Variants in FREM1 observed in about 807,000 individuals in gnomAD.
The protein encoded by FREM1 is FRAS1 related extracellular matrix 1, also known as FRAS1-related extracellular matrix protein 1.
In FREM1, 220 loss-of-function variants were observed where a neutral mutation model predicts 210.1. That is an observed-to-expected ratio of 1.05 (90% CI 0.94 to 1.17). The LOEUF (loss-of-function observed/expected upper bound fraction) is 1.17. Among genes scored for constraint, FREM1 ranks in the 50% most tolerant of loss-of-function variants. FREM1 has a pLI of 0.00. For synonymous variants in FREM1, 1,189 were observed against 980.2 expected, an observed-to-expected ratio of 1.21 and a Z score of -3.98; for missense variants, 3,454 against 2,675.5, an observed-to-expected ratio of 1.29 and a Z score of -6.42.
At chr9:14,821,061 T>C (rs1821210268) in intron 13 of FREM1, among the ~76,000 whole-genome samples, 2 of 152,172 alleles carry the variant, frequency 1.3e-5, no homozygotes, top group South Asian at 4.1e-4. Context: ...CATTAGTCAT[T>C]AGCTTTTTAA....
intron 36 of FREM1, among the ~76,000 whole-genome samples, chr9:14,738,440 C>T (rs1840807199): frequency 6.6e-6 from 1 of 152,112 alleles, no homozygotes. Context: ...GGAATGCCCT[C>T]CCTGAATTAT....
At chr9:14,860,409 T>C (rs1269167313) in intron 3 of FREM1, among the ~76,000 whole-genome samples, 1 of 151,872 alleles carries the variant, frequency 6.6e-6, no homozygotes, top group Non-Finnish European at 1.5e-5. Context: ...ATTTCATGTA[T>C]ACTCTTCCAG....
At chr9:14,839,130 T>C (rs1247311850) in intron 10 of FREM1, among the ~76,000 whole-genome samples, 1 of 151,968 alleles carries the variant, frequency 6.6e-6, no homozygotes, top group Non-Finnish European at 1.5e-5. Context: ...ATGGGAGGGG[T>C]TGAGGATAAT....
At chr9:14,854,248 A>T (rs952067758) in intron 5 of FREM1, among the ~76,000 whole-genome samples, 2 of 152,156 alleles carry the variant, frequency 1.3e-5, no homozygotes, top group African/African-American at 4.8e-5. Flanking sequence ...TGCAAGACAA[A>T]TTTTTTTAAT....
At chr9:14,841,061 A>G (rs1434019771) in intron 10 of FREM1, among the ~76,000 whole-genome samples, 1 of 152,214 alleles carries the variant, frequency 6.6e-6, no homozygotes, top group Admixed American at 6.5e-5. Context: ...AGGAAACTGG[A>G]GCATGGGTTG....
At chr9:14,860,096 C>G (rs1829530384) in intron 3 of FREM1, among the ~76,000 whole-genome samples, 1 of 152,124 alleles carries the variant, frequency 6.6e-6, no homozygotes, top group African/African-American at 2.4e-5. Context: ...GATATGCATG[C>G]ATCAATAATG....
chr9:14,819,382 T>C lies in FREM1; in HGVS notation c.2398A>G (p.Ile800Val). 1 of 1,613,694 alleles carries C rather than the reference T, an allele frequency of 6.2e-7. No homozygotes were observed. The highest frequency in any genetic ancestry group is 8.5e-7 in the Non-Finnish European group (1 of 1,179,682). The change falls in exon 14 of 37, where the codon ATT becomes GTT. Residue 800 changes from isoleucine (I) to valine (V), a missense_variant. By Grantham distance (29) the Ile-to-Val change is conservative. Coordinates refer to ENST00000380880, the MANE Select transcript of FREM1 (RefSeq NM_001379081.2). ...TTGGTATCTGCATCAGAAATTAGAA[T>C]GTGCTCTGTGCTGATGATGCTTTGA... ...GGQSIISTEH[I>V]LISDADTKLD...
In FREM1 at chr9:14,851,303, G is replaced by C. The variant is rs371839976; in HGVS notation, c.1133C>G (p.Ser378Cys). 1.3e-6 allele frequency: 2 copies of C among 1,595,780 alleles called. No individual in the cohort carries two copies. The highest frequency in any genetic ancestry group is 1.3e-5 in the African/African-American group (1 of 74,642). ...IAYQPPNSSH[S>C]ERRHDEVELE... is the part of the protein sequence containing the mutation. ...TCTTACCTCATCATGTCTCCTCTCA[G>C]AATGGCTGCTGTTTGGTGGCTGATA... The change falls in exon 6 of 37, where the codon TCT becomes TGT. Residue 378 changes from serine (S) to cysteine (C), a missense_variant. Physicochemically the swap from Ser to Cys is moderately radical, Grantham distance 112. Transcript: ENST00000380880.
At chr9:14,779,598 C>T (rs10117526) in intron 24 of FREM1, 184,362 of 423,734 alleles carry the variant, frequency 0.44, 40,862 homozygotes, top group African/African-American at 0.45. Context: ...CTACTCGATG[C>T]GTGCATGGCC....
chr9:14,830,246 G>T (rs141935599), intron 10 of FREM1, among the ~76,000 whole-genome samples: 1 of 152,276 alleles, frequency 6.6e-6, no homozygotes, highest in East Asian at 1.9e-4. Context: ...TATATTGTGA[G>T]CCTGAATATG....
intron 35 of FREM1, among the ~76,000 whole-genome samples, chr9:14,742,142 T>C (rs748652012): frequency 3.2e-4 from 48 of 152,222 alleles, no homozygotes; most frequent in Non-Finnish European, 6.6e-4. Context: ...TGTATAGGTG[T>C]ATATATGGAT....
At chr9:14,852,615 G>A (rs190309808) in intron 5 of FREM1, among the ~76,000 whole-genome samples, 1 of 152,178 alleles carries the variant, frequency 6.6e-6, no homozygotes, top group Non-Finnish European at 1.5e-5. Flanking sequence ...GATCACTTGA[G>A]CCCAGGAGTT....
chr9:14,904,340 T>C (rs1476560740), intron 1 of FREM1, among the ~76,000 whole-genome samples: 1 of 152,146 alleles, frequency 6.6e-6, no homozygotes, highest in Non-Finnish European at 1.5e-5. Flanking sequence ...CTTTATCCAA[T>C]TCACAGAAAG....
At chr9:14,867,541 A>G (rs1161699444) in intron 2 of FREM1, among the ~76,000 whole-genome samples, 1 of 152,218 alleles carries the variant, frequency 6.6e-6, no homozygotes, top group Admixed American at 6.5e-5. Flanking sequence ...CCCTCTTCCA[A>G]AGAATTCTGA....
intron 20 of FREM1, 34 bp from the exon 21 acceptor site, chr9:14,797,676 T>C: frequency 6.4e-7 from 1 of 1,572,528 alleles, no homozygotes; most frequent in African/African-American, 1.3e-5. Flanking sequence ...TAAATCTTCC[T>C]TATGATTGAA....
At position 14,801,730 on chromosome 9, in the gene FREM1, A is replaced by G. The variant is rs1280702441; in HGVS notation, c.3616T>C (p.Ser1206Pro). ...GGGTTGGCTGGCTGCTTATTCTCAG[A>G]GAAGTCTTTGCTAAACCCCCTATCG... ...LIDRGFSKDF[S>P]ENKQPANPHQ... The change falls in exon 20 of 37, where the codon TCT becomes CCT. Residue 1206 changes from serine (S) to proline (P), a missense_variant. Transcript: ENST00000380880. 4 of 1,613,852 alleles carry G rather than the reference A, an allele frequency of 2.5e-6. No homozygotes were observed. The highest frequency in any genetic ancestry group is 3.4e-6 in the Non-Finnish European group (4 of 1,179,878).
rs1064797351 is a variant in FREM1 at position 14,759,902 on chromosome 9, C to G, written c.5205-1G>C. The G allele has an allele frequency of 6.2e-7, 1 of 1,607,922 alleles. No homozygotes were observed. Among genetic ancestry groups the G allele is most frequent in the Admixed American group, 1.7e-5 (1 of 59,470 alleles). ...AATATGAGACCACTTCAGTTCCAAA[C>G]TGTGTGTGAAAGGAAAAGAGAAATC... On this transcript the variant is annotated splice_acceptor_variant, in intron 27 of 36. Coordinates refer to ENST00000380880, the MANE Select transcript of FREM1 (RefSeq NM_001379081.2). LOFTEE classifies it high-confidence loss of function.
At chr9:14,888,624 G>A (rs193093598) in intron 1 of FREM1, among the ~76,000 whole-genome samples, 2 of 152,214 alleles carry the variant, frequency 1.3e-5, no homozygotes, top group South Asian at 4.2e-4. Flanking sequence ...AAGTCAAATA[G>A]GCCACTTCAT....
intron 1 of FREM1, among the ~76,000 whole-genome samples, chr9:14,873,688 G>C (rs552704912): frequency 6.6e-6 from 1 of 152,166 alleles, no homozygotes; most frequent in Non-Finnish European, 1.5e-5. Flanking sequence ...TCTGATTTTA[G>C]TTATTTCTTG....
Sources: gnomAD v4.1 joint callset for allele counts (sites outside exome capture counted in the v4.1 genomes callset) on GRCh38, gnomAD v4.1.1 for gene constraint, MANE v1.5 for transcripts, NCBI Gene and HGNC (gene_info 2026-07-23, HGNC 2026-07-21) for gene names.